The following NUP35 variants were observed in gnomAD, a reference collection of about 807,000 sequenced individuals.
NUP35 encodes the protein nucleoporin NUP35.
A neutral mutation model predicts 41.5 loss-of-function variants in NUP35; 25 were observed. The observed-to-expected ratio is 0.60, with a 90% CI of 0.44 to 0.84. NUP35 has a LOEUF of 0.84. Ranked by LOEUF, NUP35 falls within the 40% of genes least tolerant of loss-of-function variation. The pLI is 0.00. For missense variants in NUP35, 396 were observed against 396.6 expected (o/e 1.00, Z 0.01); for synonymous variants, 149 against 130.7 (o/e 1.14, Z -0.96).
At chr2:183,126,124 C>G (rs533832856) in intron 1 of NUP35, among the ~76,000 whole-genome samples, 1 of 152,148 alleles carries the variant, frequency 6.6e-6, no homozygotes, top group Non-Finnish European at 1.5e-5. Flanking sequence ...GCAACCTCCC[C>G]CTCCGGGCTC....
chr2:183,130,677 T>A, intron 3 of NUP35, 132 bp downstream of exon 3: 1 of 972,372 alleles, frequency 1.0e-6, no homozygotes, highest in Non-Finnish European at 1.6e-6. Flanking sequence ...GAATAAACAT[T>A]AAACACATCA....
chr2:183,137,906 C>T (rs961146595), intron 4 of NUP35, among the ~76,000 whole-genome samples: 53 of 152,004 alleles, frequency 3.5e-4, no homozygotes, highest in Admixed American at 2.2e-3. Context: ...TAGAAAAGCG[C>T]ATGATTAATG....
chr2:183,118,902 T>C (rs1248057105), intron 1 of NUP35: 1 of 152,204 alleles, frequency 6.6e-6, no homozygotes, highest in Non-Finnish European at 1.5e-5. Context: ...TTCCCTTGAT[T>C]CCTCCCTTGG....
At chr2:183,155,812 A>G (rs966160959) in intron 5 of NUP35, among the ~76,000 whole-genome samples, 3 of 152,170 alleles carry the variant, frequency 2.0e-5, no homozygotes, top group East Asian at 3.8e-4. Flanking sequence ...TAAGATTTCC[A>G]GTAATTAGAT....
chr2:183,125,081 C>T (rs909863731), intron 1 of NUP35, among the ~76,000 whole-genome samples: 1 of 151,930 alleles, frequency 6.6e-6, no homozygotes, highest in Non-Finnish European at 1.5e-5. Context: ...TTGACCTTAA[C>T]AGCAAGCTAG....
intron 5 of NUP35, among the ~76,000 whole-genome samples, chr2:183,154,503 T>A (rs1164588978): frequency 2.6e-5 from 4 of 152,118 alleles, no homozygotes; most frequent in Non-Finnish European, 5.9e-5. Context: ...GTTCCACAAA[T>A]CTCTAGGGTG....
intron 4 of NUP35, among the ~76,000 whole-genome samples, chr2:183,134,321 T>C (rs1398991020): frequency 6.6e-6 from 1 of 152,162 alleles, no homozygotes; most frequent in Non-Finnish European, 1.5e-5. Context: ...AGAATTTACA[T>C]TTATAAACAA....
At chr2:183,125,520 TTAGTC>T (rs1477338716) in intron 1 of NUP35, among the ~76,000 whole-genome samples, 2 of 152,222 alleles carry the variant, frequency 1.3e-5, no homozygotes, top group East Asian at 1.9e-4. Flanking sequence ...TTGAACTACT[TTAGTC>T]TGTCATAAAA....
At chr2:183,153,821 G>T (rs1172452210) in intron 5 of NUP35, among the ~76,000 whole-genome samples, 1 of 152,212 alleles carries the variant, frequency 6.6e-6, no homozygotes, top group African/African-American at 2.4e-5. Context: ...TAGGGACCCT[G>T]TGTGGGAGCT....
chr2:183,150,425 T>G (rs2105599904), intron 4 of NUP35, among the ~76,000 whole-genome samples: 1 of 152,354 alleles, frequency 6.6e-6, no homozygotes, highest in African/African-American at 2.4e-5. Context: ...TGCGTTCATC[T>G]AAGACCAATC....
chr2:183,130,505 G>C lies in NUP35; in HGVS notation c.299G>C (p.Ser100Thr). 1 of 1,610,868 alleles carries C rather than the reference G, an allele frequency of 6.2e-7. No homozygotes were observed. The highest frequency in any genetic ancestry group is 8.5e-7 in the Non-Finnish European group (1 of 1,179,452). ...PVRSIYDDIS[S>T]PGLGSTPLTS... ...AGAAGTATATATGATGACATTTCTA[G>C]CCCAGGACTTGGATCAACACCTTTA... The change falls in exon 3 of 9, where the codon AGC becomes ACC. Residue 100 changes from serine (S) to threonine (T), a missense_variant. By Grantham distance (58) the Ser-to-Thr change is moderately conservative (BLOSUM62 1). Transcript: ENST00000295119.
At chr2:183,131,146 A>AT (rs150480789) in intron 3 of NUP35, 6,639 of 228,366 alleles carry the variant, frequency 0.029, 99 homozygotes, top group Non-Finnish European at 0.04. Flanking sequence ...GGCTAATTGT[A>AT]TTTTTTTTTG....
rs145318771 is a variant in NUP35 at position 183,145,277 on chromosome 2, G to A, written c.398-6231G>A. Among the ~76,000 whole-genome samples the A allele has an allele frequency of 3.6e-3, 546 of 152,284 alleles. 12 individuals are homozygous for A. In the East Asian group the frequency reaches 0.065, roughly 18 times the overall value. On this transcript the variant is annotated intron_variant, in intron 4 of 8. Coordinates refer to ENST00000295119, the MANE Select transcript of NUP35 (RefSeq NM_138285.5). Reference sequence around the variant, plus strand: ...ACTTATTTTAGAAATGTATTGAACAGGTTGAATATCCCTTAGCAGAACTGC... The same window carrying A: ...ACTTATTTTAGAAATGTATTGAACAAGTTGAATATCCCTTAGCAGAACTGC...
chr2:183,137,077 G>A (rs1684899408), intron 4 of NUP35, among the ~76,000 whole-genome samples: 1 of 151,708 alleles, frequency 6.6e-6, no homozygotes, highest in Non-Finnish European at 1.5e-5. Flanking sequence ...GTGATAGAGC[G>A]AGACTTTGTC....
At chr2:183,150,478 A>C (rs1685431935) in intron 4 of NUP35, among the ~76,000 whole-genome samples, 2 of 152,008 alleles carry the variant, frequency 1.3e-5, no homozygotes, top group Admixed American at 1.3e-4. Flanking sequence ...TTCTCCACAA[A>C]ATGTTCACTT....
chr2:183,138,245 C>CTATATATATATA (rs1208421272), intron 4 of NUP35, among the ~76,000 whole-genome samples: 10 of 112,674 alleles, frequency 8.9e-5, no homozygotes, highest in African/African-American at 3.7e-4. Flanking sequence ...TCATTTAGAG[C>CTATATATATATA]TATATATATA....
chr2:183,136,771 G>A (rs1684887995), intron 4 of NUP35, among the ~76,000 whole-genome samples: 1 of 152,172 alleles, frequency 6.6e-6, no homozygotes, highest in Non-Finnish European at 1.5e-5. Flanking sequence ...TTACCAATCA[G>A]TCAAACCAGG....
intron 1 of NUP35, among the ~76,000 whole-genome samples, chr2:183,126,884 C>T (rs541903040): frequency 1.3e-5 from 2 of 152,256 alleles, no homozygotes; most frequent in East Asian, 3.9e-4. Context: ...TTTTCATAAG[C>T]AGAGATTGCA....
upstream of NUP35, chr2:183,124,319 C>A: frequency 6.6e-7 from 1 of 1,523,444 alleles, no homozygotes. Flanking sequence ...ATGGCTCCGG[C>A]GCCTACAACT....
Sources: gnomAD v4.1 joint callset for allele counts (sites outside exome capture counted in the v4.1 genomes callset) on GRCh38, gnomAD v4.1.1 for gene constraint, MANE v1.5 for transcripts, NCBI Gene and HGNC (gene_info 2026-07-23, HGNC 2026-07-21) for gene names.